The following GPR158 variants were observed in gnomAD, a reference collection of about 807,000 sequenced individuals.
GPR158 encodes metabotropic glycine receptor.
GPR158 carries 30 observed loss-of-function variants against 78.2 expected under a neutral mutation model. That is an observed-to-expected ratio of 0.38 (90% CI 0.29 to 0.52). GPR158 has a LOEUF of 0.52. Ranked by LOEUF, GPR158 falls within the 20% of genes least tolerant of loss-of-function variation. GPR158 has a pLI of 0.83. For missense variants in GPR158, 1,463 were observed against 1,523.5 expected (o/e 0.96, Z 0.66); for synonymous variants, 581 against 591.1 (o/e 0.98, Z 0.25).
At chr10:25,487,575 T>C (rs1287487694) in intron 5 of GPR158, among the ~76,000 whole-genome samples, 3 of 152,282 alleles carry the variant, frequency 2.0e-5, no homozygotes, top group African/African-American at 7.2e-5. Context: ...TAACTGCCTC[T>C]TACGAGCTTT....
intron 1 of GPR158, among the ~76,000 whole-genome samples, chr10:25,220,047 G>A (rs1445886186): frequency 1.3e-5 from 2 of 152,138 alleles, no homozygotes; most frequent in African/African-American, 2.4e-5. Flanking sequence ...ATGTATATGA[G>A]TGATATCATA....
intron 3 of GPR158, among the ~76,000 whole-genome samples, chr10:25,411,668 G>A (rs1439728743): frequency 6.6e-6 from 1 of 151,996 alleles, no homozygotes; most frequent in Non-Finnish European, 1.5e-5. Flanking sequence ...AGGTGCGGTG[G>A]CTCACACCTA....
In GPR158 at chr10:25,409,153, A is replaced by G. The variant is rs555945060; in HGVS notation, c.1112-3097A>G. Among the ~76,000 whole-genome samples the G allele has an allele frequency of 1.6e-4, 25 of 151,938 alleles. No individual in the cohort carries two copies. In the South Asian group the frequency reaches 2.7e-3, roughly 16 times the overall value. ...GTTGGCTTTCCTCTTTCGCCTTTTTACCCCTCCTCTCACACTTGCTGTCTG... is the reference window on the plus strand; with the variant it reads ...GTTGGCTTTCCTCTTTCGCCTTTTTGCCCCTCCTCTCACACTTGCTGTCTG... On this transcript the variant is annotated intron_variant, in intron 3 of 10. Transcript: ENST00000376351.
chr10:25,309,215 CTG>C (rs111485518), intron 2 of GPR158, among the ~76,000 whole-genome samples: 33 of 150,438 alleles, frequency 2.2e-4, no homozygotes, highest in African/African-American at 5.3e-4. Flanking sequence ...TTGTTATTTT[CTG>C]TGTGTGTGTG....
At chr10:25,589,562 A>G (rs933092633) in intron 8 of GPR158, among the ~76,000 whole-genome samples, 2 of 152,222 alleles carry the variant, frequency 1.3e-5, no homozygotes, top group South Asian at 2.1e-4. Context: ...CAATAGACAT[A>G]TAGACAACTT....
intron 4 of GPR158, among the ~76,000 whole-genome samples, chr10:25,445,085 G>A (rs1463064174): frequency 1.3e-5 from 2 of 152,112 alleles, no homozygotes; most frequent in Non-Finnish European, 2.9e-5. Flanking sequence ...TAACAGAAAT[G>A]TACTGTATGA....
chr10:25,300,828 G>A (rs1854581217), intron 2 of GPR158, among the ~76,000 whole-genome samples: 1 of 152,070 alleles, frequency 6.6e-6, no homozygotes, highest in Non-Finnish European at 1.5e-5. Context: ...AAAGGGAGAA[G>A]GAGGGAGTGG....
chr10:25,369,241 G>T (rs1170009085), intron 2 of GPR158, among the ~76,000 whole-genome samples: 1 of 149,980 alleles, frequency 6.7e-6, no homozygotes, highest in African/African-American at 2.5e-5. Context: ...TCCCTGTCTT[G>T]TGCCAGTTTT....
rs532808677 is a variant in GPR158 at position 25,574,354 on chromosome 10, T to A, written c.1753+1467T>A. On this transcript the variant is annotated intron_variant, in intron 7 of 10. Transcript: ENST00000376351. ...GAATTATATAATCGATAGTAACCTGTATAAAGTCATTATTCCTTTCATTAG... is the reference window on the plus strand; with the variant it reads ...GAATTATATAATCGATAGTAACCTGAATAAAGTCATTATTCCTTTCATTAG... Among the ~76,000 whole-genome samples the A allele has an allele frequency of 1.7e-3, 266 of 152,224 alleles. 1 individual carries two copies. Among genetic ancestry groups the A allele is most frequent in the African/African-American group, 5.7e-3 (238 of 41,536 alleles).
At position 25,176,142 on chromosome 10, in the gene GPR158, A is replaced by T. The variant is rs2130621302; in HGVS notation, c.722A>T (p.Gln241Leu). ...CACTTACACCGCCGCGGCCCCAATC[A>T]GGGGCCCCGGGGCCTGGGCCACAGC... Reference protein sequence around the residue: ...RPHLHRRGPNQGPRGLGHSWR... With the variant: ...RPHLHRRGPNLGPRGLGHSWR... The change falls in exon 1 of 11, where the codon CAG (glutamine) becomes CTG (leucine). Residue 241 changes from glutamine (Q) to leucine (L), a missense_variant. By Grantham distance (113) the Gln-to-Leu change is moderately radical (BLOSUM62 -2). Transcript: ENST00000376351. The surrounding 1 kb of genome is among the most constrained non-coding windows in gnomAD (Gnocchi z 6.3). 1 of 1,571,776 alleles carries T rather than the reference A, an allele frequency of 6.4e-7. No individual in the cohort carries two copies. The highest frequency in any genetic ancestry group is 8.6e-7 in the Non-Finnish European group (1 of 1,160,214).
intron 5 of GPR158, among the ~76,000 whole-genome samples, chr10:25,506,265 G>T (rs1836012494): frequency 6.6e-6 from 1 of 152,130 alleles, no homozygotes; most frequent in African/African-American, 2.4e-5. Flanking sequence ...AAGATATGCT[G>T]TCCATACATA....
intron 2 of GPR158, among the ~76,000 whole-genome samples, chr10:25,235,910 A>G (rs1026332919): frequency 4.6e-5 from 7 of 151,738 alleles, no homozygotes; most frequent in Admixed American, 3.9e-4. Flanking sequence ...GTTAGCCAGG[A>G]TGGTGTCAAT....
chr10:25,388,457 A>G (rs944544227), intron 2 of GPR158, among the ~76,000 whole-genome samples: 3 of 152,206 alleles, frequency 2.0e-5, no homozygotes, highest in African/African-American at 4.8e-5. Flanking sequence ...CCACGGGCCC[A>G]TAAGCACCAG....
At chr10:25,585,527 C>T (rs1837255443) in intron 7 of GPR158, among the ~76,000 whole-genome samples, 1 of 152,170 alleles carries the variant, frequency 6.6e-6, no homozygotes, top group African/African-American at 2.4e-5. Flanking sequence ...GAAGAAAATT[C>T]AATGTAGGTT....
In GPR158 at chr10:25,578,085, A is replaced by G. The variant is rs74126242; in HGVS notation, c.1753+5198A>G. ...CCATACCTTTTTGAGAATCATCTAC[A>G]TCTATAATAACAATACATACTATGG... On this transcript the variant is annotated intron_variant, in intron 7 of 10. Transcript: ENST00000376351. Among the ~76,000 whole-genome samples, 559 of 152,332 alleles carry G rather than the reference A, an allele frequency of 3.7e-3. 2 individuals are homozygous for G. Among genetic ancestry groups the G allele is most frequent in the African/African-American group, 0.013 (530 of 41,564 alleles).
At chr10:25,385,911 T>A (rs1834216217) in intron 2 of GPR158, among the ~76,000 whole-genome samples, 2 of 152,162 alleles carry the variant, frequency 1.3e-5, no homozygotes, top group Non-Finnish European at 2.9e-5. Flanking sequence ...TAGGCTGACT[T>A]TTCATTCTGT....
chr10:25,279,282 A>G lies in GPR158; in HGVS notation c.1008+58125A>G, dbSNP rs147475355. ...TATATTAATGGAAATTGACGGCCAT[A>G]ATAACCTTATGAGGTTAGTGATATT... On this transcript the variant is annotated intron_variant, in intron 2 of 10. Coordinates refer to ENST00000376351, the MANE Select transcript of GPR158 (RefSeq NM_020752.3). Among the ~76,000 whole-genome samples, 979 of 152,338 alleles carry G rather than the reference A, an allele frequency of 6.4e-3. 4 individuals carry two copies. The highest frequency in any genetic ancestry group is 0.01 in the Non-Finnish European group (714 of 68,026).
intron 4 of GPR158, among the ~76,000 whole-genome samples, chr10:25,456,325 TGTTTAG>T (rs1479680527): frequency 6.6e-6 from 1 of 152,206 alleles, no homozygotes; most frequent in Non-Finnish European, 1.5e-5. Flanking sequence ...AGTCCTGGAA[TGTTTAG>T]GCTATCTCCA....
At chr10:25,405,643 A>G (rs1426867383) in intron 3 of GPR158, among the ~76,000 whole-genome samples, 1 of 151,098 alleles carries the variant, frequency 6.6e-6, no homozygotes, top group Admixed American at 6.6e-5. Flanking sequence ...GTATCCCACC[A>G]TACAGCAGTT....
Sources: allele counts gnomAD v4.1 joint callset (sites outside exome capture counted in the v4.1 genomes callset), GRCh38; gene constraint gnomAD v4.1.1; non-coding constraint Gnocchi (gnomAD v3.1); transcripts MANE v1.5; gene names NCBI Gene and HGNC (gene_info 2026-07-23, HGNC 2026-07-21).